The following MINDY3 variants were observed in gnomAD, a reference collection of about 807,000 sequenced individuals.
MINDY3 encodes ubiquitin carboxyl-terminal hydrolase MINDY-3.
MINDY3 carries 38 observed loss-of-function variants against 69.2 expected under a neutral mutation model. The observed-to-expected ratio is 0.55, with a 90% CI of 0.42 to 0.72. MINDY3 has a LOEUF of 0.72. Ranked by LOEUF, MINDY3 falls within the 30% of genes least tolerant of loss-of-function variation. The pLI is 0.00. For missense variants in MINDY3, 522 were observed against 519.0 expected (o/e 1.01, Z -0.06); for synonymous variants, 192 against 180.1 (o/e 1.07, Z -0.53).
In MINDY3 at chr10:15,805,924, G is replaced by A. The variant is rs191155291; in HGVS notation, c.883-9752C>T. 2.1e-3 allele frequency among the ~76,000 whole-genome samples: 324 copies of A among 152,244 alleles called. 2 individuals are homozygous for A. The highest frequency in any genetic ancestry group is 6.5e-3 in the African/African-American group (269 of 41,552). On this transcript the variant is annotated intron_variant, in intron 10 of 14. Transcript: ENST00000277632. The stretch of plus-strand genomic sequence containing the variant: ...GGGAGAGAGGTATGGTGGCTGTGGT[G>A]TGCTCCAGTACAGCCAAAAAGAGGG...
chr10:15,815,565 C>T (rs1475385048), intron 10 of MINDY3, among the ~76,000 whole-genome samples: 1 of 152,092 alleles, frequency 6.6e-6, no homozygotes, highest in Non-Finnish European at 1.5e-5. Context: ...ATGAAGAAAC[C>T]TCTAAAATAC....
intron 10 of MINDY3, among the ~76,000 whole-genome samples, chr10:15,815,795 C>T (rs1001719072): frequency 1.1e-4 from 17 of 152,012 alleles, no homozygotes; most frequent in Non-Finnish European, 2.2e-4. Context: ...TATTATGAAT[C>T]CCTATTTTAA....
In MINDY3 at chr10:15,786,602, T is replaced by C. The variant is rs764531471; in HGVS notation, c.1075A>G (p.Ile359Val). The change falls in exon 13 of 15, where the codon ATA (isoleucine) becomes GTA (valine). Residue 359 changes from isoleucine (I) to valine (V), a missense_variant. Transcript: ENST00000277632. ...TCTTGAAGAAATGGGCCCAATAATA[T>C]GATTCCTAATCCTTCTGGATCTAAT... ...NKLDPEGLGI[I>V]LLGPFLQEFF... 14 of 1,595,056 alleles carry C rather than the reference T, an allele frequency of 8.8e-6. No individual in the cohort carries two copies. The South Asian group carries it at 1.2e-4, about 14-fold the overall frequency.
At chr10:15,810,327 A>G (rs991865409) in intron 10 of MINDY3, among the ~76,000 whole-genome samples, 2 of 152,210 alleles carry the variant, frequency 1.3e-5, no homozygotes, top group African/African-American at 4.8e-5. Flanking sequence ...ACTGGACAGA[A>G]GCAATTTTCT....
chr10:15,818,904 TG>T (rs1839559869), intron 9 of MINDY3, among the ~76,000 whole-genome samples: 1 of 152,128 alleles, frequency 6.6e-6, no homozygotes, highest in Admixed American at 6.5e-5. Context: ...GGAATTAGAT[TG>T]GGGTAATGGT....
rs777068683 is a variant in MINDY3, at chr10:15,847,867, A to T, written c.171T>A (p.Val57=). Residue 57 remains valine, a synonymous_variant, in exon 2 of 15, where the codon GTT becomes GTA. Transcript: ENST00000277632. ...EGGPCAVIAP[V]QAFLLKKLLF... Reference sequence around the variant, plus strand: ...TTGGTAAAGGAGTCTATGTTACCTGAACAGGTGCAATAACAGCACAGGGGC... The same window carrying T: ...TTGGTAAAGGAGTCTATGTTACCTGTACAGGTGCAATAACAGCACAGGGGC... 1 of 1,612,782 alleles carries T rather than the reference A, an allele frequency of 6.2e-7. No individual in the cohort carries two copies. The highest frequency in any genetic ancestry group is 8.5e-7 in the Non-Finnish European group (1 of 1,178,756).
chr10:15,835,973 T>G (rs922099155), intron 6 of MINDY3, among the ~76,000 whole-genome samples: 1 of 152,058 alleles, frequency 6.6e-6, no homozygotes, highest in Admixed American at 6.6e-5. Flanking sequence ...TAAGATATCT[T>G]TTATCAACAA....
intron 11 of MINDY3, among the ~76,000 whole-genome samples, chr10:15,789,770 T>TTA (rs369047036): frequency 5.0e-4 from 76 of 152,156 alleles, no homozygotes; most frequent in Middle Eastern, 3.4e-3. Flanking sequence ...GATCCACTGA[T>TTA]ACTTAGACAA....
At chr10:15,844,458 T>A (rs1440048344) in intron 2 of MINDY3, among the ~76,000 whole-genome samples, 1 of 152,196 alleles carries the variant, frequency 6.6e-6, no homozygotes, top group Non-Finnish European at 1.5e-5. Context: ...TGAAAAATCA[T>A]AATGGGTATA....
rs916145848 is a variant in MINDY3, at chr10:15,789,280, A to C, written c.995T>G (p.Met332Arg). The change falls in exon 12 of 15, where the codon ATG (methionine) becomes AGG (arginine). Residue 332 changes from methionine to arginine, a missense_variant. By Grantham distance (91) the Met-to-Arg change is moderately conservative. Coordinates refer to ENST00000277632, the MANE Select transcript of MINDY3 (RefSeq NM_024948.4). ...ATCTGAAACAAGGTCCAATGCTTTC[A>C]TCACATCTTCCAGAAGTGAATCGGG... ...FIPDSLLEDV[M>R]KALDLVSDPE... 1.2e-6 allele frequency: 2 copies of C among 1,611,836 alleles called. No individual in the cohort carries two copies.
chr10:15,789,413 T>TA (rs1311330512), intron 11 of MINDY3, 94 bp from the exon 12 acceptor site: 3 of 912,334 alleles, frequency 3.3e-6, no homozygotes, highest in African/African-American at 3.3e-5. Flanking sequence ...AAAAATCGCA[T>TA]AAAAAATACA....
intron 10 of MINDY3, among the ~76,000 whole-genome samples, chr10:15,805,452 T>G (rs1461529971): frequency 6.6e-6 from 1 of 152,094 alleles, no homozygotes; most frequent in Non-Finnish European, 1.5e-5. Context: ...AAGTTCCTCT[T>G]TATTTCAAAG....
intron 13 of MINDY3, among the ~76,000 whole-genome samples, chr10:15,785,632 G>T (rs1177733195): frequency 6.6e-6 from 1 of 152,128 alleles, no homozygotes; most frequent in East Asian, 1.9e-4. Flanking sequence ...AAGGCTTTAA[G>T]ACCAAAGTTT....
chr10:15,838,127 G>T, intron 5 of MINDY3, 101 bp downstream of exon 5: 2 of 1,338,086 alleles, frequency 1.5e-6, no homozygotes, highest in Non-Finnish European at 9.7e-7. Context: ...TTTAAGTAGC[G>T]CATTTCTATG....
In MINDY3 at chr10:15,837,286, T is replaced by C. The variant is rs748542130; in HGVS notation, c.494A>G (p.Lys165Arg). 1 of 1,605,892 alleles carries C rather than the reference T, an allele frequency of 6.2e-7. No individual in the cohort carries two copies. Among genetic ancestry groups the C allele is most frequent in the Non-Finnish European group, 8.5e-7 (1 of 1,176,452 alleles). Residue 165 changes from lysine to arginine, a missense_variant, in exon 6 of 15, where the codon AAA becomes AGA. Transcript: ENST00000277632. ...KRSFRSLPEL[K>R]DAVLDQYSMW... ...TGAATACTGGTCCAAGACAGCATCT[T>C]TTAATTCTGGTAAACTTCTGAACGA...
intron 11 of MINDY3, among the ~76,000 whole-genome samples, chr10:15,793,812 T>G (rs1244924865): frequency 2.0e-5 from 3 of 152,072 alleles, no homozygotes; most frequent in Non-Finnish European, 4.4e-5. Flanking sequence ...GGAGGTAAAG[T>G]GCTTCAGAAA....
At chr10:15,850,529 T>C (rs949463814) in intron 1 of MINDY3, among the ~76,000 whole-genome samples, 1 of 152,184 alleles carries the variant, frequency 6.6e-6, no homozygotes, top group East Asian at 1.9e-4. Context: ...GAGTGTCTTA[T>C]ACAGTTGTAG....
chr10:15,818,921 T>G (rs1411225154), intron 9 of MINDY3, among the ~76,000 whole-genome samples: 1 of 152,138 alleles, frequency 6.6e-6, no homozygotes, highest in African/African-American at 2.4e-5. Flanking sequence ...ATGGTTGCAT[T>G]GCATCGTGAA....
chr10:15,830,781 A>G (rs1423394214), intron 8 of MINDY3, among the ~76,000 whole-genome samples: 1 of 152,232 alleles, frequency 6.6e-6, no homozygotes, highest in African/African-American at 2.4e-5. Context: ...TTAGAAGAAC[A>G]AATGACACAG....
Sources: gnomAD v4.1 joint callset for allele counts (sites outside exome capture counted in the v4.1 genomes callset) on GRCh38, gnomAD v4.1.1 for gene constraint, MANE v1.5 for transcripts, NCBI Gene and HGNC (gene_info 2026-07-23, HGNC 2026-07-21) for gene names.